The following PGM1 variants were observed in gnomAD, a reference collection of about 807,000 sequenced individuals.
The protein encoded by PGM1 is phosphoglucomutase-1.
PGM1 carries 52 observed loss-of-function variants against 55.6 expected under a neutral mutation model. The observed-to-expected ratio is 0.94, with a 90% CI of 0.75 to 1.18. The LOEUF is 1.18. PGM1 is among the 50% of genes most tolerant of loss of function. The pLI is 0.00. For synonymous variants in PGM1, 287 were observed against 271.7 expected, an observed-to-expected ratio of 1.06 and a Z score of -0.55; for missense variants, 724 against 729.3, an observed-to-expected ratio of 0.99 and a Z score of 0.08.
intron 1 of PGM1, among the ~76,000 whole-genome samples, chr1:63,608,478 C>T (rs1386161881): frequency 1.3e-5 from 2 of 152,166 alleles, no homozygotes; most frequent in Admixed American, 6.5e-5. Context: ...GTGCCCACCT[C>T]GACTGTGTGA....
chr1:63,659,316 C>T (rs1650052271), intron 10 of PGM1, among the ~76,000 whole-genome samples: 1 of 152,182 alleles, frequency 6.6e-6, no homozygotes, highest in Admixed American at 6.5e-5. Context: ...TTGAGGCCTG[C>T]TCATGGACTG....
chr1:63,615,866 G>A (rs1347406340), intron 1 of PGM1, among the ~76,000 whole-genome samples: 2 of 151,782 alleles, frequency 1.3e-5, no homozygotes, highest in Middle Eastern at 3.2e-3. Context: ...ACCACTGCCT[G>A]CCACAAAACT....
chr1:63,645,633 T>A lies in PGM1; in HGVS notation c.1145-2884T>A, dbSNP rs75865324. 4.7e-3 allele frequency among the ~76,000 whole-genome samples: 717 copies of A among 152,320 alleles called. 6 individuals carry two copies. Among genetic ancestry groups the A allele is most frequent in the African/African-American group, 0.015 (628 of 41,584 alleles). ...GATAGTAAAATTAGGTAAACATTTT[T>A]AAAATATGTTATATAAAGCACTAAA... On this transcript the variant is annotated intron_variant, in intron 7 of 10. Coordinates refer to ENST00000371084, the MANE Select transcript of PGM1 (RefSeq NM_002633.3).
chr1:63,650,278 C>T (rs1310103737), intron 8 of PGM1, among the ~76,000 whole-genome samples: 1 of 152,150 alleles, frequency 6.6e-6, no homozygotes, highest in East Asian at 1.9e-4. Context: ...GGGCAGCTGG[C>T]CCTGTAGTCA....
At chr1:63,644,519 C>T (rs957241688) in intron 7 of PGM1, among the ~76,000 whole-genome samples, 4 of 152,144 alleles carry the variant, frequency 2.6e-5, no homozygotes, top group African/African-American at 9.7e-5. Flanking sequence ...ATTTTCTTCT[C>T]CAATATGTAC....
rs369859772 is a variant in PGM1, at chr1:63,631,514, T to C, written c.557-143T>C. On this transcript the variant is annotated intron_variant, in intron 3 of 10. Coordinates refer to ENST00000371084, the MANE Select transcript of PGM1 (RefSeq NM_002633.3). ...AGTATTAGATAGTATCGGATATCAC[T>C]TAACAGCCGTATTATTGGAGCTGTT... 7.3e-4 allele frequency: 555 copies of C among 764,068 alleles called. 12 individuals carry two copies. In the Middle Eastern group the frequency reaches 0.011, roughly 15 times the overall value. The allele number at this position is 764,068 out of a possible 1,614,324, so 47.3% of individuals were successfully genotyped here.
chr1:63,594,903 G>T (rs1270201466), intron 1 of PGM1, among the ~76,000 whole-genome samples: 3 of 148,254 alleles, frequency 2.0e-5, no homozygotes, highest in Admixed American at 6.8e-5. Context: ...GGAGCTTGCA[G>T]TGAGCTGAGA....
chr1:63,613,747 T>G (rs1648631927), intron 1 of PGM1, among the ~76,000 whole-genome samples: 1 of 148,862 alleles, frequency 6.7e-6, no homozygotes. Flanking sequence ...TAGTGCACCA[T>G]TCAACCATGA....
chr1:63,623,340 C>T, intron 1 of PGM1: 1 of 1,508,596 alleles, frequency 6.6e-7, no homozygotes, highest in East Asian at 2.3e-5. Context: ...ATCGTCCATG[C>T]AAACCCTCTA....
intron 8 of PGM1, 47 bp downstream of exon 8, chr1:63,648,699 C>A: frequency 6.2e-7 from 1 of 1,605,348 alleles, no homozygotes; most frequent in Non-Finnish European, 8.5e-7. Flanking sequence ...GGGAAGTGGG[C>A]AGAGAGAATT....
At chr1:63,656,777 A>T (rs1649980529) in intron 10 of PGM1, among the ~76,000 whole-genome samples, 3 of 152,202 alleles carry the variant, frequency 2.0e-5, no homozygotes, top group Admixed American at 2.0e-4. Flanking sequence ...GATCTAAAAA[A>T]AGTGAATCTC....
intron 1 of PGM1, among the ~76,000 whole-genome samples, chr1:63,627,679 T>C (rs1450599806): frequency 1.3e-5 from 2 of 152,026 alleles, no homozygotes; most frequent in Non-Finnish European, 2.9e-5. Context: ...TAAGGAATGG[T>C]AGAATTAAGG....
intron 7 of PGM1, among the ~76,000 whole-genome samples, chr1:63,645,777 A>G (rs1649630490): frequency 6.6e-6 from 1 of 152,198 alleles, no homozygotes; most frequent in Non-Finnish European, 1.5e-5. Flanking sequence ...TTTTTTAAGA[A>G]CCAAAAATAG....
chr1:63,594,083 T>A (rs951512092), intron 1 of PGM1: 81 of 1,044,904 alleles, frequency 7.8e-5, no homozygotes, highest in Non-Finnish European at 9.3e-5. Flanking sequence ...ACATTTGCCC[T>A]AACCTTGCAG....
At chr1:63,631,251 G>A (rs1649185070) in intron 3 of PGM1, among the ~76,000 whole-genome samples, 1 of 152,120 alleles carries the variant, frequency 6.6e-6, no homozygotes, top group Admixed American at 6.5e-5. Flanking sequence ...AAGAAAAGTG[G>A]GGATTACATT....
intron 7 of PGM1, among the ~76,000 whole-genome samples, chr1:63,645,586 T>G (rs1649627250): frequency 6.6e-6 from 1 of 152,178 alleles, no homozygotes; most frequent in Non-Finnish European, 1.5e-5. Context: ...AAAATAGCAG[T>G]AAGGGCAAAT....
intron 10 of PGM1, 104 bp downstream of exon 10, chr1:63,654,570 G>A: frequency 9.2e-7 from 1 of 1,090,892 alleles, no homozygotes; most frequent in Non-Finnish European, 1.4e-6. Context: ...GACTCAACAA[G>A]GTACCAGCTG....
chr1:63,607,739 A>G (rs1227388928), intron 1 of PGM1, among the ~76,000 whole-genome samples: 1 of 152,198 alleles, frequency 6.6e-6, no homozygotes, highest in Non-Finnish European at 1.5e-5. Flanking sequence ...CCACTCTGGG[A>G]ACCATGCACG....
chr1:63,623,427 A>G (rs1334199974), intron 1 of PGM1: 2 of 1,597,976 alleles, frequency 1.3e-6, no homozygotes, highest in Non-Finnish European at 1.7e-6. Context: ...TGCTTTCTGG[A>G]CACCCTCACT....
Sources: gnomAD v4.1 joint callset for allele counts (sites outside exome capture counted in the v4.1 genomes callset) on GRCh38, gnomAD v4.1.1 for gene constraint, MANE v1.5 for transcripts, NCBI Gene and HGNC (gene_info 2026-07-23, HGNC 2026-07-21) for gene names.